The following L3MBTL4 variants were observed in gnomAD, a reference collection of about 807,000 sequenced individuals.
The protein encoded by L3MBTL4 is L3MBTL histone methyl-lysine binding protein 4.
L3MBTL4 carries 70 observed loss-of-function variants against 84.5 expected under a neutral mutation model. The ratio of observed to expected loss-of-function variants is 0.83; its 90% CI spans 0.68 to 1.01. The LOEUF (loss-of-function observed/expected upper bound fraction) is 1.01, where lower values mean the gene tolerates loss of function less well. Among genes scored for constraint, L3MBTL4 ranks in the 50% least tolerant of loss-of-function variants. The probability of loss-of-function intolerance (pLI) is 0.00; values close to 1 mark genes in which losing one functional copy is unlikely to be tolerated. For synonymous variants in L3MBTL4, 274 were observed against 259.8 expected, an observed-to-expected ratio of 1.05 and a Z score of -0.52; for missense variants, 715 against 754.8, an observed-to-expected ratio of 0.95 and a Z score of 0.62.
chr18:6,164,557 C>T (rs1019875526), intron 13 of L3MBTL4, among the ~76,000 whole-genome samples: 1 of 152,186 alleles, frequency 6.6e-6, no homozygotes, highest in Non-Finnish European at 1.5e-5. Flanking sequence ...GCTGCTGATA[C>T]CCAGGCAAAC....
chr18:5,984,194 G>A (rs1331789001), intron 16 of L3MBTL4, among the ~76,000 whole-genome samples: 1 of 152,204 alleles, frequency 6.6e-6, no homozygotes. Flanking sequence ...TTATAGGCAT[G>A]AGCCACCGCA....
intron 16 of L3MBTL4, among the ~76,000 whole-genome samples, chr18:6,073,720 G>C (rs1474303526): frequency 6.6e-6 from 1 of 152,102 alleles, no homozygotes; most frequent in Non-Finnish European, 1.5e-5. Flanking sequence ...AATCAATGGG[G>C]AAAATTGTAA....
intron 1 of L3MBTL4, among the ~76,000 whole-genome samples, chr18:6,352,794 C>G (rs2053259988): frequency 6.6e-6 from 1 of 152,114 alleles, no homozygotes; most frequent in Admixed American, 6.6e-5. Flanking sequence ...AAAAGGAAAT[C>G]TAGTTGGTAG....
intron 1 of L3MBTL4, among the ~76,000 whole-genome samples, chr18:6,382,566 GC>G (rs1309148137): frequency 6.6e-6 from 1 of 152,158 alleles, no homozygotes; most frequent in African/African-American, 2.4e-5. Flanking sequence ...TAACAGTCAG[GC>G]CCCTCTGCTG....
intron 13 of L3MBTL4, among the ~76,000 whole-genome samples, chr18:6,143,287 T>A (rs951777433): frequency 1.3e-5 from 2 of 152,202 alleles, no homozygotes; most frequent in Non-Finnish European, 1.5e-5. Context: ...CAGGTAGAGC[T>A]GGAAGGAAAG....
At chr18:6,009,550 G>C (rs2145368530) in intron 16 of L3MBTL4, among the ~76,000 whole-genome samples, 1 of 152,222 alleles carries the variant, frequency 6.6e-6, no homozygotes, top group South Asian at 2.1e-4. Context: ...GGACCCCTTT[G>C]GATACCATTG....
At chr18:6,033,583 GATTACATTTCTTGTAATTACA>G (rs2055950129) in intron 16 of L3MBTL4, among the ~76,000 whole-genome samples, 1 of 152,024 alleles carries the variant, frequency 6.6e-6, no homozygotes, top group Admixed American at 6.6e-5. Flanking sequence ...TTGTAATTAC[GATTACATTTCTTGTAATTACA>G]ATTACATTAG....
intron 10 of L3MBTL4, among the ~76,000 whole-genome samples, chr18:6,223,167 C>A (rs1251760339): frequency 6.6e-6 from 1 of 151,938 alleles, no homozygotes; most frequent in Non-Finnish European, 1.5e-5. Context: ...CATTTCATTA[C>A]CTCCCAAAAT....
In L3MBTL4 at chr18:5,955,129, G is replaced by T. The variant is rs1878599673; in HGVS notation, c.*1091C>A. On this transcript the variant is annotated 3_prime_UTR_variant, in exon 19 of 19. Coordinates refer to ENST00000317931, the MANE Select transcript of L3MBTL4 (RefSeq NM_001330559.2). ...AAAAGTAGTAAGAAGTGTCAGAAAA[G>T]AGGTACTTGTCTTTCAACACTGTGG... is the stretch of plus-strand genomic sequence containing the variant. 6.6e-6 allele frequency: 1 copy of T among 152,192 alleles called. No homozygotes were observed. The allele number at this position is 152,192 out of a possible 1,614,324, so 9.4% of individuals were successfully genotyped here. A position where few individuals can be genotyped will look rare whatever the true frequency, so the allele number is the denominator to read the frequency against.
At chr18:6,211,706 T>C (rs556115593) in intron 12 of L3MBTL4, among the ~76,000 whole-genome samples, 2 of 151,500 alleles carry the variant, frequency 1.3e-5, no homozygotes, top group South Asian at 2.1e-4. Context: ...TGGAGTGCAG[T>C]GGCATGATCT....
intron 14 of L3MBTL4, among the ~76,000 whole-genome samples, chr18:6,129,364 C>CTGTG (rs2059801473): frequency 3.6e-5 from 5 of 139,158 alleles, no homozygotes; most frequent in Admixed American, 7.1e-5. Flanking sequence ...TACTGGAATT[C>CTGTG]TCTCTGTGTG....
intron 16 of L3MBTL4, among the ~76,000 whole-genome samples, chr18:6,018,860 T>C (rs1168100594): frequency 6.6e-6 from 1 of 152,182 alleles, no homozygotes; most frequent in African/African-American, 2.4e-5. Context: ...CAAAGATGCC[T>C]GAGGCTACGC....
In L3MBTL4 at chr18:6,090,593, TACAC is replaced by T. The variant is rs71163260; in HGVS notation, c.1373+2758_1373+2761del. ...TATATGTGTATATATATTATATATA[TACAC>T]ACACACACACACACACACACACACA... On this transcript the variant is annotated intron_variant, in intron 15 of 18. Transcript: ENST00000317931. Among the ~76,000 whole-genome samples, 584 of 86,758 alleles carry T rather than the reference TACAC, an allele frequency of 6.7e-3. 4 individuals are homozygous for T. Among genetic ancestry groups the T allele is most frequent in the Non-Finnish European group, 6.6e-3 (261 of 39,840 alleles). 56.9% of individuals were successfully genotyped at this position (86,758 alleles called of 152,430 possible).
chr18:6,357,717 G>T (rs1365892163), intron 1 of L3MBTL4, among the ~76,000 whole-genome samples: 1 of 152,136 alleles, frequency 6.6e-6, no homozygotes, highest in Non-Finnish European at 1.5e-5. Flanking sequence ...CAAACCATAT[G>T]CATATACGAC....
At chr18:6,132,889 T>C (rs2059915412) in intron 14 of L3MBTL4, among the ~76,000 whole-genome samples, 1 of 152,024 alleles carries the variant, frequency 6.6e-6, no homozygotes, top group African/African-American at 2.4e-5. Context: ...GCAAGCTGGC[T>C]TTGCTGAAGT....
At chr18:6,157,918 C>G (rs1045815851) in intron 13 of L3MBTL4, among the ~76,000 whole-genome samples, 4 of 152,166 alleles carry the variant, frequency 2.6e-5, no homozygotes, top group Non-Finnish European at 5.9e-5. Context: ...TGCCTATCAA[C>G]TTCCTATTTA....
At chr18:6,046,361 T>C (rs1025372970) in intron 16 of L3MBTL4, among the ~76,000 whole-genome samples, 1 of 152,160 alleles carries the variant, frequency 6.6e-6, no homozygotes, top group Non-Finnish European at 1.5e-5. Flanking sequence ...GGCAGAAAAC[T>C]AACAAATAAA....
intron 3 of L3MBTL4, among the ~76,000 whole-genome samples, chr18:6,307,378 A>C (rs1052017937): frequency 6.6e-6 from 1 of 151,020 alleles, no homozygotes; most frequent in South Asian, 2.1e-4. Flanking sequence ...CGGAGATTGC[A>C]GTGAGCCGAG....
chr18:6,241,802 C>T (rs1160331574), intron 7 of L3MBTL4, among the ~76,000 whole-genome samples: 3 of 152,150 alleles, frequency 2.0e-5, no homozygotes, highest in Admixed American at 6.5e-5. Context: ...GGAGTCTCAT[C>T]GCCCATTAAG....
Sources: gnomAD v4.1 joint callset for allele counts (sites outside exome capture counted in the v4.1 genomes callset) on GRCh38, gnomAD v4.1.1 for gene constraint, MANE v1.5 for transcripts, NCBI Gene and HGNC (gene_info 2026-07-23, HGNC 2026-07-21) for gene names.